UBXN7: variants seen among roughly 807,000 people sequenced by gnomAD.
The protein encoded by UBXN7 is UBX domain-containing protein 7.
A neutral mutation model predicts 58.0 loss-of-function variants in UBXN7; 9 were observed. That is an observed-to-expected ratio of 0.16 (90% confidence interval 0.09 to 0.27). UBXN7 has a LOEUF of 0.27. UBXN7 is among the 10% of genes least tolerant of loss of function. UBXN7 has a pLI of 1.00. For synonymous variants in UBXN7, 208 were observed against 205.0 expected (o/e 1.01, Z -0.12); for missense variants, 328 against 599.6 (o/e 0.55, Z 4.73).
intron 6 of UBXN7, among the ~76,000 whole-genome samples, chr3:196,370,768 C>T (rs1371850931): frequency 2.6e-5 from 4 of 151,054 alleles, no homozygotes; most frequent in Admixed American, 1.3e-4. Context: ...TGCCTATAAT[C>T]CCAGCACTTT....
chr3:196,388,463 G>A (rs1729479601), intron 5 of UBXN7, among the ~76,000 whole-genome samples: 1 of 144,056 alleles, frequency 6.9e-6, no homozygotes, highest in Non-Finnish European at 1.5e-5. Context: ...AAATAAATAA[G>A]CTACTGTTTG....
At chr3:196,394,995 CCTATAT>C (rs1239854080) in intron 3 of UBXN7, among the ~76,000 whole-genome samples, 1 of 152,096 alleles carries the variant, frequency 6.6e-6, no homozygotes, top group Non-Finnish European at 1.5e-5. Flanking sequence ...ATGTTATCTT[CCTATAT>C]CTATGTGTTC....
At chr3:196,427,809 T>C (rs1026684584) in intron 1 of UBXN7, among the ~76,000 whole-genome samples, 1 of 152,204 alleles carries the variant, frequency 6.6e-6, no homozygotes, top group African/African-American at 2.4e-5. Context: ...ACTGGTTTTC[T>C]TATGTAGCTT....
chr3:196,365,984 T>C (rs1728653271), intron 8 of UBXN7, among the ~76,000 whole-genome samples: 1 of 152,106 alleles, frequency 6.6e-6, no homozygotes, highest in Non-Finnish European at 1.5e-5. Flanking sequence ...GAGGTCAGCA[T>C]TAACATGTTA....
chr3:196,383,207 CAAAG>C (rs1340923653), intron 5 of UBXN7, among the ~76,000 whole-genome samples: 3 of 151,504 alleles, frequency 2.0e-5, no homozygotes, highest in Non-Finnish European at 4.4e-5. Context: ...TCAAAAGAGA[CAAAG>C]AAGGCCATTA....
intron 1 of UBXN7, 46 bp downstream of exon 1, chr3:196,432,281 C>G: frequency 6.2e-7 from 1 of 1,610,456 alleles, no homozygotes; most frequent in Non-Finnish European, 8.5e-7. Flanking sequence ...GACCCGCTGC[C>G]CGCTCCGGAC....
intron 7 of UBXN7, among the ~76,000 whole-genome samples, chr3:196,368,582 T>C (rs1222826994): frequency 6.6e-6 from 1 of 152,198 alleles, no homozygotes; most frequent in Non-Finnish European, 1.5e-5. Flanking sequence ...CTACATAGTG[T>C]CTTCATAACC....
chr3:196,413,257 G>A (rs535468121), intron 1 of UBXN7, among the ~76,000 whole-genome samples: 129 of 152,258 alleles, frequency 8.5e-4, no homozygotes, highest in Admixed American at 2.6e-3. Flanking sequence ...AGAACCGCTT[G>A]AACCCAGGAG....
At chr3:196,402,857 A>G in intron 3 of UBXN7, 95 bp downstream of exon 3, 2 of 1,365,698 alleles carry the variant, frequency 1.5e-6, no homozygotes, top group South Asian at 1.3e-5. Context: ...CCACACTTCT[A>G]ACAGTCTCCT....
intron 1 of UBXN7, among the ~76,000 whole-genome samples, chr3:196,425,197 C>A (rs1234857608): frequency 6.6e-6 from 1 of 152,102 alleles, no homozygotes; most frequent in East Asian, 1.9e-4. Context: ...CTGTTACATA[C>A]CTAGGTGTCC....
chr3:196,376,545 C>CAAAAAAAAAAAAAAAAAAAA (rs777458391), intron 5 of UBXN7, among the ~76,000 whole-genome samples: 47 of 50,896 alleles, frequency 9.2e-4, no homozygotes, highest in East Asian at 1.4e-3. Context: ...GACTCTGTCT[C>CAAAAAAAAAAAAAAAAAAAA]AAAAAAAAAA....
chr3:196,362,966 C>T lies in UBXN7; in HGVS notation c.835-279G>A, dbSNP rs561855922. ...TTGCCCAGGCTGGAGTGCAGTGGCA[C>T]GAACTCGGCTCACTGCAACCTCAGC... On this transcript the variant is annotated intron_variant, in intron 8 of 10. Transcript: ENST00000296328. Among the ~76,000 whole-genome samples, 4 of 152,066 alleles carry T rather than the reference C, an allele frequency of 2.6e-5. No homozygotes were observed. In the East Asian group the frequency reaches 5.8e-4, roughly 22 times the overall value.
At chr3:196,425,355 T>C (rs1401612908) in intron 1 of UBXN7, among the ~76,000 whole-genome samples, 2 of 151,342 alleles carry the variant, frequency 1.3e-5, no homozygotes, top group Non-Finnish European at 2.9e-5. Context: ...CTATCTCTTC[T>C]CCATTATAGC....
At chr3:196,405,076 G>A (rs1013425188) in intron 2 of UBXN7, among the ~76,000 whole-genome samples, 13 of 152,088 alleles carry the variant, frequency 8.5e-5, no homozygotes, top group African/African-American at 2.4e-4. Flanking sequence ...AACCCGAGAG[G>A]AGGAGGTTGC....
At chr3:196,363,908 C>T (rs549597144) in intron 8 of UBXN7, among the ~76,000 whole-genome samples, 5 of 147,630 alleles carry the variant, frequency 3.4e-5, no homozygotes, top group African/African-American at 7.6e-5. Flanking sequence ...GGTGACAGAG[C>T]GAGACTCCAT....
intron 7 of UBXN7, among the ~76,000 whole-genome samples, chr3:196,368,808 A>T (rs1335524914): frequency 6.6e-6 from 1 of 152,158 alleles, no homozygotes; most frequent in African/African-American, 2.4e-5. Context: ...TATTTTAATG[A>T]TAAAAAAAAC....
At position 196,415,873 on chromosome 3, in the gene UBXN7, C is replaced by T. The variant is rs1030961407; in HGVS notation, c.74-8480G>A. 2.7e-4 allele frequency among the ~76,000 whole-genome samples: 41 copies of T among 152,100 alleles called. 1 individual carries two copies. The highest frequency in any genetic ancestry group is 4.4e-5 in the Non-Finnish European group (3 of 68,024). The stretch of plus-strand genomic sequence containing the variant: ...AGGTTTCTTACAGGAAGACTACTTT[C>T]GGCTGCTTGTTCTAGCAGAGATGCA... On this transcript the variant is annotated intron_variant, in intron 1 of 10. Transcript: ENST00000296328.
At chr3:196,421,720 T>C (rs924027974) in intron 1 of UBXN7, among the ~76,000 whole-genome samples, 1 of 150,610 alleles carries the variant, frequency 6.6e-6, no homozygotes, top group East Asian at 2.0e-4. Context: ...GAGGTTGCAG[T>C]GAGCCAAGAT....
chr3:196,428,266 G>A (rs199637701), intron 1 of UBXN7, among the ~76,000 whole-genome samples: 16 of 152,192 alleles, frequency 1.1e-4, no homozygotes, highest in African/African-American at 3.4e-4. Flanking sequence ...AAAAAGGTTT[G>A]TAGCATAATG....
Sources: gnomAD v4.1 joint callset for allele counts (sites outside exome capture counted in the v4.1 genomes callset) on GRCh38, gnomAD v4.1.1 for gene constraint, MANE v1.5 for transcripts, NCBI Gene and HGNC (gene_info 2026-07-23, HGNC 2026-07-21) for gene names.